HECW2: variants seen among roughly 807,000 people sequenced by gnomAD.
HECW2 encodes the protein E3 ubiquitin-protein ligase HECW2.
A neutral mutation model predicts 175.2 loss-of-function variants in HECW2; 61 were observed. The ratio of observed to expected loss-of-function variants is 0.35; its 90% confidence interval spans 0.28 to 0.43. The LOEUF (loss-of-function observed/expected upper bound fraction) is 0.43, where lower values mean the gene tolerates loss of function less well. Among genes scored for constraint, HECW2 ranks in the 20% least tolerant of loss-of-function variants. The pLI is 1.00. For synonymous variants in HECW2, 671 were observed against 731.0 expected (o/e 0.92, Z 1.32); for missense variants, 1,524 against 2,000.5 (o/e 0.76, Z 4.54).
intron 17 of HECW2, 32 bp from the exon 18 acceptor site, chr2:196,257,938 T>C (rs77751899): frequency 0.12 from 179,822 of 1,481,150 alleles, 14,837 homozygotes; most frequent in South Asian, 0.35. Context: ...ACAAAATGTA[T>C]ATGGTAGACC....
intron 1 of HECW2, among the ~76,000 whole-genome samples, chr2:196,517,786 C>T (rs1000269368): frequency 3.3e-5 from 5 of 152,048 alleles, no homozygotes; most frequent in African/African-American, 1.2e-4. Context: ...AAAATTGTTC[C>T]GCTAAATCAT....
intron 1 of HECW2, among the ~76,000 whole-genome samples, chr2:196,577,694 T>C (rs188252278): frequency 3.6e-4 from 55 of 152,272 alleles, no homozygotes; most frequent in African/African-American, 1.3e-3. Context: ...TTGTCGAAGG[T>C]ATGCCCCCAA....
At chr2:196,511,830 G>A (rs1351581900) in intron 1 of HECW2, among the ~76,000 whole-genome samples, 1 of 152,188 alleles carries the variant, frequency 6.6e-6, no homozygotes, top group African/African-American at 2.4e-5. Flanking sequence ...AAGGGCACAG[G>A]AGGATGGGAG....
intron 1 of HECW2, among the ~76,000 whole-genome samples, chr2:196,460,106 T>C (rs1696680696): frequency 6.6e-6 from 1 of 152,142 alleles, no homozygotes; most frequent in African/African-American, 2.4e-5. Flanking sequence ...TGCAACCCTT[T>C]ATGAAAAATA....
At chr2:196,541,740 T>TG (rs1401197342) in intron 1 of HECW2, among the ~76,000 whole-genome samples, 20 of 152,186 alleles carry the variant, frequency 1.3e-4, no homozygotes, top group African/African-American at 4.6e-4. Flanking sequence ...GGTTTTTTTT[T>TG]TTGTTGCTTT....
At chr2:196,383,845 A>G (rs556363245) in intron 2 of HECW2, among the ~76,000 whole-genome samples, 1 of 152,394 alleles carries the variant, frequency 6.6e-6, no homozygotes, top group East Asian at 1.9e-4. Context: ...TGGAAATCAT[A>G]TTCTCATTTA....
At chr2:196,247,250 A>AAAAT (rs773677742) in intron 19 of HECW2, among the ~76,000 whole-genome samples, 27 of 152,280 alleles carry the variant, frequency 1.8e-4, no homozygotes, top group Admixed American at 1.0e-3. Context: ...GCTCTGTCTC[A>AAAAT]AAATAAATAA....
intron 28 of HECW2, among the ~76,000 whole-genome samples, chr2:196,209,980 G>A (rs1193245530): frequency 1.3e-5 from 2 of 152,116 alleles, no homozygotes; most frequent in Non-Finnish European, 2.9e-5. Flanking sequence ...AGCCAGGATG[G>A]TCTCCATCTC....
At chr2:196,280,308 AAGGTATCTAGG>A (rs1370941962) in intron 14 of HECW2, among the ~76,000 whole-genome samples, 16 of 152,342 alleles carry the variant, frequency 1.1e-4, no homozygotes, top group Admixed American at 5.2e-4. Context: ...CCTAGAGATG[AAGGTATCTAGG>A]CAAATGCCAG....
chr2:196,463,875 C>A (rs1696842446), intron 1 of HECW2, among the ~76,000 whole-genome samples: 1 of 152,116 alleles, frequency 6.6e-6, no homozygotes, highest in Non-Finnish European at 1.5e-5. Flanking sequence ...TCACCTTGAC[C>A]CAGAAAATGC....
At chr2:196,574,301 G>A (rs545208958) in intron 1 of HECW2, among the ~76,000 whole-genome samples, 1 of 152,058 alleles carries the variant, frequency 6.6e-6, no homozygotes, top group South Asian at 2.1e-4. Flanking sequence ...GTGGTGGTAT[G>A]CACCCATAAT....
chr2:196,344,713 C>A (rs1413660873), intron 2 of HECW2, among the ~76,000 whole-genome samples: 2 of 152,196 alleles, frequency 1.3e-5, no homozygotes, highest in Admixed American at 6.5e-5. Flanking sequence ...GTGATCCTGG[C>A]TCTTAATGCC....
At chr2:196,322,747 A>ATTTC in intron 6 of HECW2, 127 bp from the exon 7 acceptor site, 1 of 755,502 alleles carries the variant, frequency 1.3e-6, no homozygotes, top group South Asian at 2.0e-5. Flanking sequence ...ATAGCTAGAA[A>ATTTC]TAGCTGCAGC....
At chr2:196,402,149 C>T (rs1476009362) in intron 2 of HECW2, among the ~76,000 whole-genome samples, 2 of 123,182 alleles carry the variant, frequency 1.6e-5, no homozygotes, top group Non-Finnish European at 3.1e-5. Context: ...TGCAGTGAGC[C>T]GAGATGGCAC....
intron 1 of HECW2, among the ~76,000 whole-genome samples, chr2:196,575,313 G>T (rs936765020): frequency 6.6e-6 from 1 of 152,068 alleles, no homozygotes; most frequent in Non-Finnish European, 1.5e-5. Flanking sequence ...CACTTAGTGA[G>T]AATGTAAACT....
At chr2:196,341,824 T>C (rs1024561479) in intron 3 of HECW2, among the ~76,000 whole-genome samples, 1 of 152,226 alleles carries the variant, frequency 6.6e-6, no homozygotes, top group Non-Finnish European at 1.5e-5. Context: ...CTAGTAAGGA[T>C]GGTAAAAGAA....
At chr2:196,382,464 C>CTTTT (rs1559078960) in intron 2 of HECW2, among the ~76,000 whole-genome samples, 1 of 150,510 alleles carries the variant, frequency 6.6e-6, no homozygotes, top group Non-Finnish European at 1.5e-5. Flanking sequence ...TGGTTATTCA[C>CTTTT]ATAGGGCAAA....
rs377115382 is a variant in HECW2, at chr2:196,538,383, C to T, written c.-36+55125G>A. ...TCACACTTTGGCAAACACTGAACTG[C>T]GGTGAGGGCAGTAAAAAGGGTAATA... On this transcript the variant is annotated intron_variant, in intron 1 of 28. Coordinates refer to ENST00000644978, the MANE Select transcript of HECW2 (RefSeq NM_001348768.2). Among the ~76,000 whole-genome samples the T allele has an allele frequency of 7.9e-5, 12 of 152,254 alleles. No individual in the cohort carries two copies. In the South Asian group the frequency reaches 1.2e-3, roughly 16 times the overall value.
At chr2:196,358,671 C>G (rs1379263648) in intron 2 of HECW2, among the ~76,000 whole-genome samples, 1 of 144,328 alleles carries the variant, frequency 6.9e-6, no homozygotes, top group Non-Finnish European at 1.5e-5. Context: ...TTTCATTACT[C>G]AAAAGCACAA....
Sources: gnomAD v4.1 joint callset for allele counts (sites outside exome capture counted in the v4.1 genomes callset) on GRCh38, gnomAD v4.1.1 for gene constraint, MANE v1.5 for transcripts, NCBI Gene and HGNC (gene_info 2026-07-23, HGNC 2026-07-21) for gene names.